The following FAM193B variants were observed in gnomAD, a reference collection of about 807,000 sequenced individuals.
The protein encoded by FAM193B is family with sequence similarity 193 member B.
Under a neutral mutation model 70.7 loss-of-function variants are expected in FAM193B, and 27 were observed. The ratio of observed to expected loss-of-function variants is 0.38; its 90% CI spans 0.28 to 0.53. FAM193B has a LOEUF of 0.53. Ranked by LOEUF, FAM193B falls within the 20% of genes least tolerant of loss-of-function variation. The pLI is 0.81. For synonymous variants in FAM193B, 448 were observed against 436.0 expected (o/e 1.03, Z -0.34); for missense variants, 1,022 against 1,072.5 (o/e 0.95, Z 0.66).
intron 1 of FAM193B, chr5:177,553,103 T>A (rs1021223916): frequency 2.2e-6 from 2 of 912,266 alleles, no homozygotes; most frequent in African/African-American, 3.6e-5. Context: ...AGAGGGCACC[T>A]GACGCAACTG....
chr5:177,524,528 T>G lies in FAM193B; in HGVS notation c.1953A>C (p.Pro651=). 6.2e-7 allele frequency: 1 copy of G among 1,612,230 alleles called. No homozygotes were observed. ...CTAGGCTGGCTGGGGGCCGGGGGGC[T>G]GGGCTTGCCTCGCTCTTCTTGGCCT... is the stretch of plus-strand genomic sequence containing the variant. The part of the protein sequence containing the change: ...GSQAKKSEAS[P]APRPPASLEV... Residue 651 remains proline, a synonymous_variant, in exon 6 of 9, where the codon CCA becomes CCC. Coordinates refer to ENST00000514747, the MANE Select transcript of FAM193B (RefSeq NM_001190946.3).
intron 3 of FAM193B, among the ~76,000 whole-genome samples, chr5:177,537,163 G>A (rs527814589): frequency 1.2e-4 from 18 of 152,290 alleles, no homozygotes; most frequent in Admixed American, 7.2e-4. Context: ...AGACCCCTGA[G>A]GGCCCCAGAT....
intron 1 of FAM193B, among the ~76,000 whole-genome samples, chr5:177,545,341 G>C (rs1225915741): frequency 6.6e-6 from 1 of 152,076 alleles, no homozygotes; most frequent in East Asian, 1.9e-4. Context: ...ACCACACCTG[G>C]CCATTCTTCT....
chr5:177,544,854 T>G (rs921288476), intron 1 of FAM193B, among the ~76,000 whole-genome samples: 1 of 152,202 alleles, frequency 6.6e-6, no homozygotes, highest in Admixed American at 6.5e-5. Context: ...TAATGGAAAT[T>G]ATTTGGAAAG....
In FAM193B at chr5:177,542,092, C is replaced by T. The variant is rs1412486615; in HGVS notation, c.211-2945G>A. Reference sequence around the variant, plus strand: ...CTGTATATGGTTTTGTAGTTATAACCGACAATTCAAATGTGTAATAAAACG... The same window carrying T: ...CTGTATATGGTTTTGTAGTTATAACTGACAATTCAAATGTGTAATAAAACG... On this transcript the variant is annotated intron_variant, in intron 1 of 8. Transcript: ENST00000514747. Among the ~76,000 whole-genome samples, 4 of 152,232 alleles carry T rather than the reference C, an allele frequency of 2.6e-5. No individual in the cohort carries two copies. The East Asian group carries it at 7.7e-4, about 29-fold the overall frequency.
At chr5:177,521,102 G>C (rs1460654334) in intron 8 of FAM193B, among the ~76,000 whole-genome samples, 1 of 152,184 alleles carries the variant, frequency 6.6e-6, no homozygotes, top group Non-Finnish European at 1.5e-5. Context: ...AGCTCAGTCT[G>C]CCTGCCCCAG....
chr5:177,521,805 T>C (rs1353845970), intron 8 of FAM193B, among the ~76,000 whole-genome samples, 169 bp downstream of exon 8: 1 of 152,066 alleles, frequency 6.6e-6, no homozygotes, highest in Admixed American at 6.6e-5. Flanking sequence ...GCCTTGACCT[T>C]TGGAGGCTGT....
At position 177,525,209 on chromosome 5, in the gene FAM193B, CCAAGG is replaced by C; in HGVS notation, c.1276-9_1276-5del. The C allele has an allele frequency of 6.9e-7, 1 of 1,447,754 alleles. No homozygotes were observed. Among genetic ancestry groups the C allele is most frequent in the Non-Finnish European group, 9.1e-7 (1 of 1,095,458 alleles). The allele number at this position is 1,447,754 out of a possible 1,614,324, so 89.7% of individuals were successfully genotyped here. A position where few individuals can be genotyped will look rare whatever the true frequency, so the allele number is the denominator to read the frequency against. On this transcript the variant is annotated splice_region_variant and splice_polypyrimidine_tract_variant and intron_variant, in intron 5 of 8. Transcript: ENST00000514747. ...CCAACTGGGCCTTCTCCTTTTCCTG[CCAAGG>C]CAAGAGGCAGTTTTAGCAGGAGGCT...
chr5:177,532,320 G>A lies in FAM193B; in HGVS notation c.1275+123C>T. The A allele has an allele frequency of 2.0e-6, 3 of 1,489,508 alleles. No homozygotes were observed. Among genetic ancestry groups the A allele is most frequent in the Middle Eastern group, 1.7e-4 (1 of 5,772 alleles). The allele number at this position is 1,489,508 out of a possible 1,614,324, so 92.3% of individuals were successfully genotyped here. A position where few individuals can be genotyped will look rare whatever the true frequency, so the allele number is the denominator to read the frequency against. Reference sequence around the variant, plus strand: ...TCAAGCGAGCAGACGCAGGTGCAAGGACTCACGGCCCCAGCACGGTAATTA... The same window carrying A: ...TCAAGCGAGCAGACGCAGGTGCAAGAACTCACGGCCCCAGCACGGTAATTA... On this transcript the variant is annotated intron_variant, in intron 5 of 8. Coordinates refer to ENST00000514747, the MANE Select transcript of FAM193B (RefSeq NM_001190946.3). This position sits in a 1 kb window ranked among gnomAD's most constrained non-coding sequence, Gnocchi z 4.9.
At position 177,539,140 on chromosome 5, in the gene FAM193B, G is replaced by C; in HGVS notation, c.218C>G (p.Pro73Arg). 1 of 1,566,034 alleles carries C rather than the reference G, an allele frequency of 6.4e-7. No individual in the cohort carries two copies. The highest frequency in any genetic ancestry group is 8.7e-7 in the Non-Finnish European group (1 of 1,155,514). ...PNLVPGPQVPPASSQPVQTCC... is the reference protein window; with the variant it reads ...PNLVPGPQVPRASSQPVQTCC... ...AGTCTGCACAGGCTGGCTGGAGGCG[G>C]GGGGGACCTGTCCAACAGACAGAAA... The change falls in exon 2 of 9, where the codon CCC becomes CGC. Residue 73 changes from proline (P) to arginine (R), a missense_variant. Transcript: ENST00000514747.
chr5:177,554,240 C>A lies in FAM193B; in HGVS notation c.210+9G>T, dbSNP rs1766742376. ...CCCGAGCCGCCGAAGTCTCCCCGCT[C>A]GCTCCTACCTGCGGGCCGGGCACCA... On this transcript the variant is annotated intron_variant, in intron 1 of 8. Coordinates refer to ENST00000514747, the MANE Select transcript of FAM193B (RefSeq NM_001190946.3). 1.1e-5 allele frequency: 16 copies of A among 1,484,850 alleles called. No individual in the cohort carries two copies. Among genetic ancestry groups the A allele is most frequent in the South Asian group, 3.8e-5 (3 of 79,410 alleles). The allele number at this position is 1,484,850 out of a possible 1,614,324, so 92.0% of individuals were successfully genotyped here.
intron 1 of FAM193B, chr5:177,553,338 G>A: frequency 1.0e-6 from 1 of 992,282 alleles, no homozygotes; most frequent in Non-Finnish European, 1.2e-6. Flanking sequence ...GACTCCTGCA[G>A]GAGCCTGCCT....
chr5:177,536,517 G>A lies in FAM193B; in HGVS notation c.917C>T (p.Pro306Leu), dbSNP rs762850757. The A allele has an allele frequency of 3.2e-6, 5 of 1,546,516 alleles. No homozygotes were observed. In the South Asian group the frequency reaches 3.7e-5, roughly 11 times the overall value. Residue 306 changes from proline to leucine, a missense_variant, in exon 4 of 9, where the codon CCA becomes CTA. Pro to Leu is a moderately conservative substitution (Grantham distance 98). Transcript: ENST00000514747. ...AAATAPHTPG[P>L]CQSSHLPSTS... The stretch of plus-strand genomic sequence containing the variant: ...GGAGGGTAGATGGGAGCTCTGACAT[G>A]GCCCTGGAGTGTGGGGGGCAGTGGC...
chr5:177,534,291 ATTTTTTT>A (rs372141424), intron 4 of FAM193B, among the ~76,000 whole-genome samples: 2 of 134,802 alleles, frequency 1.5e-5, no homozygotes, highest in Non-Finnish European at 3.1e-5. Flanking sequence ...AGCAAAACTG[ATTTTTTT>A]TTTTTTTTTT....
At chr5:177,526,641 C>T (rs920691330) in intron 5 of FAM193B, among the ~76,000 whole-genome samples, 1 of 152,220 alleles carries the variant, frequency 6.6e-6, no homozygotes, top group Non-Finnish European at 1.5e-5. Context: ...CTGCTCTGTA[C>T]CGTCAGCACT....
intron 3 of FAM193B, among the ~76,000 whole-genome samples, chr5:177,537,522 G>A (rs1764311340): frequency 6.6e-6 from 1 of 152,208 alleles, no homozygotes; most frequent in African/African-American, 2.4e-5. Context: ...AGACAAGGTT[G>A]CCCAGGTCCT....
chr5:177,532,647 G>A lies in FAM193B; in HGVS notation c.1077-6C>T, dbSNP rs764408070. ...GCCCCTTGCACCCGGGATCCCTGATGATGGGGAGGAAGGCCCAGAGGTGAG... is the reference window on the plus strand; with the variant it reads ...GCCCCTTGCACCCGGGATCCCTGATAATGGGGAGGAAGGCCCAGAGGTGAG... On this transcript the variant is annotated splice_region_variant and splice_polypyrimidine_tract_variant and intron_variant, in intron 4 of 8. Coordinates refer to ENST00000514747, the MANE Select transcript of FAM193B (RefSeq NM_001190946.3). The surrounding 1 kb of genome is among the most constrained non-coding windows in gnomAD (Gnocchi z 4.9). 1.2e-5 allele frequency: 19 copies of A among 1,530,972 alleles called. No homozygotes were observed. Among genetic ancestry groups the A allele is most frequent in the Non-Finnish European group, 1.4e-5 (16 of 1,147,462 alleles). The allele number at this position is 1,530,972 out of a possible 1,614,324, so 94.8% of individuals were successfully genotyped here.
rs1026276743 is a variant in FAM193B, at chr5:177,554,367, G to T, written c.92C>A (p.Pro31His). 57 of 1,215,714 alleles carry T rather than the reference G, an allele frequency of 4.7e-5. No homozygotes were observed. The African/African-American group carries it at 8.1e-4, about 17-fold the overall frequency. The allele number at this position is 1,215,714 out of a possible 1,614,324, so 75.3% of individuals were successfully genotyped here. A position where few individuals can be genotyped will look rare whatever the true frequency, so the allele number is the denominator to read the frequency against. ...AGPQKPQAPE[P>H]PPPPSLEAGA... ...CGCCTCCAGGCTTGGCGGCGGCGGG[G>T]GCTCGGGCGCCTGGGGCTTCTGCGG... Residue 31 changes from proline (P) to histidine (H), a missense_variant, in exon 1 of 9, where the codon CCC becomes CAC. By Grantham distance (77) the Pro-to-His change is moderately conservative. Coordinates refer to ENST00000514747, the MANE Select transcript of FAM193B (RefSeq NM_001190946.3).
In FAM193B at chr5:177,549,187, C is replaced by CTT. The variant is rs141797022; in HGVS notation, c.210+5060_210+5061dup. Among the ~76,000 whole-genome samples the CTT allele has an allele frequency of 9.0e-3, 835 of 92,948 alleles. 15 individuals are homozygous for CTT. The highest frequency in any genetic ancestry group is 0.03 in the African/African-American group (799 of 26,424). 61.0% of individuals were successfully genotyped at this position (92,948 alleles called of 152,430 possible). A position where few individuals can be genotyped will look rare whatever the true frequency, so the allele number is the denominator to read the frequency against. On this transcript the variant is annotated intron_variant, in intron 1 of 8. Coordinates refer to ENST00000514747, the MANE Select transcript of FAM193B (RefSeq NM_001190946.3). ...ACCATGTAAGACTGGATTGTCTTTT[C>CTT]TTTTTTTTTTTTTTTTTTTTTTGAG...
Sources: allele counts gnomAD v4.1 joint callset (sites outside exome capture counted in the v4.1 genomes callset), GRCh38; gene constraint gnomAD v4.1.1; non-coding constraint Gnocchi (gnomAD v3.1); transcripts MANE v1.5; gene names NCBI Gene and HGNC (gene_info 2026-07-23, HGNC 2026-07-21).